Variants in FRMPD4 observed in about 807,000 individuals in gnomAD.
FRMPD4 encodes the protein FERM and PDZ domain-containing protein 4.
FRMPD4 carries 22 observed loss-of-function variants against 94.1 expected under a neutral mutation model. That is an observed-to-expected ratio of 0.23 (90% CI 0.17 to 0.33). The LOEUF (loss-of-function observed/expected upper bound fraction) is 0.33, where lower values mean the gene tolerates loss of function less well. FRMPD4 is among the 10% of genes least tolerant of loss of function. The pLI is 1.00. For synonymous variants in FRMPD4, 631 were observed against 548.6 expected (o/e 1.15, Z -2.10); for missense variants, 1,111 against 1,339.9 (o/e 0.83, Z 2.67).
rs201251837 is a variant in FRMPD4, at chrX:12,066,871, G to GTTTTTTTTT, written c.95+188858_95+188859insTTTTTTTTT. Among the ~76,000 whole-genome samples, 62 of 100,061 alleles carry GTTTTTTTTT rather than the reference G, an allele frequency of 6.2e-4. 1 individual carries two copies. Among genetic ancestry groups the GTTTTTTTTT allele is most frequent in the Middle Eastern group, 5.1e-3 (1 of 195 alleles). The allele number at this position is 100,061 out of a possible 115,157, so 86.9% of individuals were successfully genotyped here. On this transcript the variant is annotated intron_variant, in intron 3 of 18. Transcript: ENST00000640291. ...AGCAGTCCCCAAGTTTTTTGTTTTT[G>GTTTTTTTTT]TTTTTGTTTTTTTTTTGAGACATAG...
chrX:12,083,308 C>G (rs112711826), intron 3 of FRMPD4, among the ~76,000 whole-genome samples: 1,853 of 113,079 alleles, frequency 0.016, 11 homozygotes, highest in South Asian at 0.02. Context: ...GGTGCAAGCC[C>G]CAAGCCTTGG....
At position 12,685,419 on chromosome X, in the gene FRMPD4, T is replaced by C. The variant is rs190456968; in HGVS notation, c.574-678T>C. Among the ~76,000 whole-genome samples the C allele has an allele frequency of 4.5e-3, 500 of 112,063 alleles. 3 individuals carry two copies. Among genetic ancestry groups the C allele is most frequent in the African/African-American group, 0.016 (480 of 30,868 alleles). ...AAGAAAAAATGCAAAGAAATAACATTTCTATTGTTTGCTTTTTGTCATGTT... is the reference window on the plus strand; with the variant it reads ...AAGAAAAAATGCAAAGAAATAACATCTCTATTGTTTGCTTTTTGTCATGTT... On this transcript the variant is annotated intron_variant, in intron 6 of 16. Coordinates refer to ENST00000675598, the MANE Select transcript of FRMPD4 (RefSeq NM_001368397.1).
chrX:12,718,256 C>G lies in FRMPD4; in HGVS notation c.3430C>G (p.Leu1144Val). Reference sequence around the variant, plus strand: ...TGGAGAAACCAGTGATGGCTCAGGACTTGGTCAAGGGGACCGCTTCTTAAC... The same window carrying G: ...TGGAGAAACCAGTGATGGCTCAGGAGTTGGTCAAGGGGACCGCTTCTTAAC... ...PDGETSDGSG[L>V]GQGDRFLTDV... Residue 1144 changes from leucine (L) to valine (V), a missense_variant, in exon 16 of 17, where the codon CTT becomes GTT. Physicochemically the swap from Leu to Val is conservative, Grantham distance 32 (BLOSUM62 1). This residue lies in a region of FRMPD4 where 551 missense variants were observed against 591.6 expected (regional missense o/e 0.93). Transcript: ENST00000675598. 8.3e-7 allele frequency: 1 copy of G among 1,211,718 alleles called. No individual in the cohort carries two copies. Among genetic ancestry groups the G allele is most frequent in the East Asian group, 3.0e-5 (1 of 33,827 alleles).
At chrX:12,415,658 CTT>C (rs1214563763) in intron 1 of FRMPD4, among the ~76,000 whole-genome samples, 1 of 111,549 alleles carries the variant, frequency 9.0e-6, no homozygotes, top group Non-Finnish European at 1.9e-5. Flanking sequence ...TTATTAAAGA[CTT>C]GGGATTATTT....
chrX:12,088,945 T>C (rs2055132387), intron 3 of FRMPD4, among the ~76,000 whole-genome samples: 1 of 111,997 alleles, frequency 8.9e-6, no homozygotes, highest in Non-Finnish European at 1.9e-5. Context: ...TAGCAGTCTT[T>C]CCTGAGAAGG....
At chrX:12,421,138 T>A (rs2056878096) in intron 1 of FRMPD4, among the ~76,000 whole-genome samples, 1 of 112,183 alleles carries the variant, frequency 8.9e-6, no homozygotes, top group Non-Finnish European at 1.9e-5. Flanking sequence ...ATTGACCAGG[T>A]TAAGTCTTCT....
At chrX:12,579,621 C>A (rs2058845168) in intron 2 of FRMPD4, among the ~76,000 whole-genome samples, 2 of 111,678 alleles carry the variant, frequency 1.8e-5, no homozygotes, top group African/African-American at 6.5e-5. Flanking sequence ...AGTAGTAATG[C>A]TTTTCATATT....
chrX:12,555,440 ACT>A (rs869223445), intron 2 of FRMPD4, among the ~76,000 whole-genome samples: 1 of 82,656 alleles, frequency 1.2e-5, no homozygotes, highest in Non-Finnish European at 2.9e-5. Flanking sequence ...AATAGCTATC[ACT>A]CTTTCTTTTA....
At chrX:12,559,796 G>A (rs1430997702) in intron 2 of FRMPD4, among the ~76,000 whole-genome samples, 2 of 111,529 alleles carry the variant, frequency 1.8e-5, no homozygotes, top group African/African-American at 6.5e-5. Context: ...TTGCCTGGTT[G>A]AACAATTATT....
intron 2 of FRMPD4, among the ~76,000 whole-genome samples, chrX:12,561,361 A>G (rs1461017057): frequency 1.8e-5 from 2 of 112,346 alleles, no homozygotes; most frequent in East Asian, 5.5e-4. Flanking sequence ...AATAAATTAC[A>G]AACTTCAAAA....
chrX:12,333,966 A>T (rs2055474919), intron 1 of FRMPD4, among the ~76,000 whole-genome samples: 1 of 111,967 alleles, frequency 8.9e-6, no homozygotes, highest in Admixed American at 9.5e-5. Flanking sequence ...GTCTTTAGAT[A>T]ACAGGCTTTT....
At chrX:12,583,289 A>G in intron 2 of FRMPD4, 3 of 399,511 alleles carry the variant, frequency 7.5e-6, no homozygotes, top group Non-Finnish European at 1.3e-5. Context: ...ACATTTATCA[A>G]CCCTCATCAA....
At chrX:12,452,222 T>C (rs1000151612) in intron 1 of FRMPD4, among the ~76,000 whole-genome samples, 5 of 112,038 alleles carry the variant, frequency 4.5e-5, no homozygotes, top group Non-Finnish European at 9.4e-5. Context: ...GAATCTCCCA[T>C]TTAAATTGTC....
At chrX:11,899,285 T>C (rs1013834366) in intron 3 of FRMPD4, among the ~76,000 whole-genome samples, 1 of 111,455 alleles carries the variant, frequency 9.0e-6, no homozygotes, top group Admixed American at 9.6e-5. Flanking sequence ...AATAATTTGT[T>C]ATTACAGAAG....
At chrX:12,353,044 C>T (rs115311982) in intron 1 of FRMPD4, among the ~76,000 whole-genome samples, 1 of 111,884 alleles carries the variant, frequency 8.9e-6, no homozygotes, top group African/African-American at 3.2e-5. Flanking sequence ...AAAAGCCAGT[C>T]GATAGCTCAT....
At chrX:12,711,753 C>T (rs959217251) in intron 14 of FRMPD4, among the ~76,000 whole-genome samples, 1 of 109,756 alleles carries the variant, frequency 9.1e-6, no homozygotes. Flanking sequence ...CTCTCCCTTC[C>T]CCCCAACCCT....
chrX:12,160,468 C>T (rs1392300164), intron 1 of FRMPD4, among the ~76,000 whole-genome samples: 1 of 111,469 alleles, frequency 9.0e-6, no homozygotes, highest in Non-Finnish European at 1.9e-5. Context: ...TAAGAACTGA[C>T]CGTAGTTTGG....
intron 1 of FRMPD4, among the ~76,000 whole-genome samples, chrX:12,166,159 T>C (rs1341937711): frequency 8.0e-5 from 9 of 111,866 alleles, no homozygotes; most frequent in African/African-American, 2.3e-4. Flanking sequence ...CCAGTTTTTG[T>C]CCATTCAGTA....
chrX:12,004,348 C>A (rs2054539514), intron 3 of FRMPD4, among the ~76,000 whole-genome samples: 1 of 111,864 alleles, frequency 8.9e-6, no homozygotes, highest in Non-Finnish European at 1.9e-5. Flanking sequence ...TGGCAATTTT[C>A]CTGGTTTGGA....
Sources: gnomAD v4.1 joint callset for allele counts (sites outside exome capture counted in the v4.1 genomes callset) on GRCh38, gnomAD v4.1.1 for gene constraint, gnomAD v4.1.1 regional missense constraint, MANE v1.5 for transcripts, NCBI Gene and HGNC (gene_info 2026-07-23, HGNC 2026-07-21) for gene names.